Variants in RALYL observed in about 807,000 individuals in gnomAD.
RALYL encodes RALY RNA binding protein like.
RALYL carries 29 observed loss-of-function variants against 35.1 expected under a neutral mutation model. The observed-to-expected ratio is 0.83, with a 90% CI of 0.61 to 1.13. RALYL has a LOEUF of 1.13. RALYL is among the 50% of genes most tolerant of loss of function. The pLI is 0.00. For synonymous variants in RALYL, 120 were observed against 127.6 expected (o/e 0.94, Z 0.40); for missense variants, 359 against 360.4 (o/e 1.00, Z 0.03).
At chr8:84,443,681 C>T (rs533083751) in intron 1 of RALYL, among the ~76,000 whole-genome samples, 1 of 152,192 alleles carries the variant, frequency 6.6e-6, no homozygotes, top group South Asian at 2.1e-4. Flanking sequence ...AAGCAGCTGG[C>T]CTAATTCTAT....
intron 1 of RALYL, among the ~76,000 whole-genome samples, chr8:84,464,132 T>G (rs901840480): frequency 1.8e-4 from 19 of 104,656 alleles, no homozygotes; most frequent in Admixed American, 1.6e-3. Context: ...TTAAAACAAG[T>G]TTTTTTTTTG....
At chr8:84,690,941 A>G (rs1837908130) in intron 2 of RALYL, among the ~76,000 whole-genome samples, 2 of 152,084 alleles carry the variant, frequency 1.3e-5, no homozygotes, top group Admixed American at 1.3e-4. Flanking sequence ...ATGTAACTAT[A>G]TAGGTGGAAA....
chr8:84,658,234 T>C (rs969473909), intron 2 of RALYL, among the ~76,000 whole-genome samples: 4 of 152,186 alleles, frequency 2.6e-5, no homozygotes, highest in African/African-American at 9.7e-5. Context: ...GTTTATTGAA[T>C]ATGTGTATTT....
In RALYL at chr8:84,510,186, C is replaced by T. The variant is rs149272549; in HGVS notation, c.-23-19113C>T. On this transcript the variant is annotated intron_variant, in intron 1 of 8. Transcript: ENST00000521268. ...GATTTCTTTCATCAGAATTTTGTGG[C>T]TTTTATCATATAAGTTGTATACATA... is the stretch of plus-strand genomic sequence containing the variant. 1.8e-3 allele frequency among the ~76,000 whole-genome samples: 269 copies of T among 152,182 alleles called. 3 individuals are homozygous for T. The highest frequency in any genetic ancestry group is 6.1e-3 in the African/African-American group (254 of 41,536).
intron 1 of RALYL, among the ~76,000 whole-genome samples, chr8:84,248,502 A>T (rs977722843): frequency 3.9e-5 from 6 of 152,102 alleles, no homozygotes; most frequent in Non-Finnish European, 7.4e-5. Context: ...ACAAAATGGT[A>T]ACAGCAGTAA....
At chr8:84,416,476 G>A (rs1003203698) in intron 1 of RALYL, among the ~76,000 whole-genome samples, 2 of 152,156 alleles carry the variant, frequency 1.3e-5, no homozygotes, top group Non-Finnish European at 2.9e-5. Flanking sequence ...CATATGAAGA[G>A]AGAAGAATAA....
chr8:84,680,021 G>A (rs998814633), intron 2 of RALYL, among the ~76,000 whole-genome samples: 6 of 151,704 alleles, frequency 4.0e-5, no homozygotes, highest in African/African-American at 1.5e-4. Flanking sequence ...CCCACGACAG[G>A]CCCCGGTGTG....
At chr8:84,308,492 A>T (rs117957559) in intron 1 of RALYL, among the ~76,000 whole-genome samples, 3,802 of 152,262 alleles carry the variant, frequency 0.025, 98 homozygotes, top group Non-Finnish European at 0.031. Flanking sequence ...CCACAAACAG[A>T]TTTTTGACCA....
intron 1 of RALYL, among the ~76,000 whole-genome samples, chr8:84,342,536 A>G (rs1313134718): frequency 6.6e-6 from 1 of 151,628 alleles, no homozygotes; most frequent in Admixed American, 6.6e-5. Context: ...AAATCACTGA[A>G]GTAGGTGTTT....
chr8:84,870,851 A>G (rs952880611), intron 6 of RALYL, among the ~76,000 whole-genome samples: 18 of 152,134 alleles, frequency 1.2e-4, no homozygotes, highest in African/African-American at 4.3e-4. Context: ...GACTAAGGCC[A>G]ATTGGACTAG....
At chr8:84,400,871 T>C (rs2042822126) in intron 1 of RALYL, among the ~76,000 whole-genome samples, 1 of 152,222 alleles carries the variant, frequency 6.6e-6, no homozygotes, top group Non-Finnish European at 1.5e-5. Context: ...TGTCATGTGT[T>C]TTATTATTTA....
At chr8:84,727,543 A>T (rs540988219) in intron 2 of RALYL, among the ~76,000 whole-genome samples, 1 of 151,908 alleles carries the variant, frequency 6.6e-6, no homozygotes, top group Non-Finnish European at 1.5e-5. Flanking sequence ...ACATATGTAT[A>T]CATGTGACAT....
Position 84,913,051 on chromosome 8 carries a change from G to GATAA in RALYL, c.859-7840_859-7839insAATA, listed in dbSNP as rs1404897007. Among the ~76,000 whole-genome samples the GATAA allele has an allele frequency of 1.5e-3, 228 of 151,218 alleles. 1 individual carries two copies. The highest frequency in any genetic ancestry group is 2.2e-3 in the Non-Finnish European group (147 of 67,770). On this transcript the variant is annotated intron_variant, in intron 8 of 8. Coordinates refer to ENST00000521268, the MANE Select transcript of RALYL (RefSeq NM_173848.7). Reference sequence around the variant, plus strand: ...GGATGGATAGGTAGGTAGATAGATAGATAGATAGATAGATAGATAGATAGA... The same window carrying GATAA: ...GGATGGATAGGTAGGTAGATAGATAGATAAATAGATAGATAGATAGATAGATAGA...
intron 1 of RALYL, among the ~76,000 whole-genome samples, chr8:84,262,509 TTTG>T (rs1215773872): frequency 2.6e-5 from 4 of 152,192 alleles, no homozygotes; most frequent in African/African-American, 4.8e-5. Flanking sequence ...AAAACTATGA[TTTG>T]TTGTTTTTTA....
chr8:84,821,002 A>C (rs2134232732), intron 4 of RALYL, among the ~76,000 whole-genome samples: 1 of 152,326 alleles, frequency 6.6e-6, no homozygotes, highest in South Asian at 2.1e-4. Flanking sequence ...ATCACTAAAA[A>C]TAATGCAAAA....
intron 1 of RALYL, among the ~76,000 whole-genome samples, chr8:84,422,102 G>A (rs1470788135): frequency 6.7e-6 from 1 of 149,786 alleles, no homozygotes; most frequent in East Asian, 2.0e-4. Flanking sequence ...TCTATTGATT[G>A]GAATAGTTTC....
chr8:84,846,993 C>T (rs773020736), intron 4 of RALYL, among the ~76,000 whole-genome samples: 9 of 152,248 alleles, frequency 5.9e-5, no homozygotes, highest in South Asian at 4.2e-4. Flanking sequence ...CTGCTAACTT[C>T]GGGGTTAATT....
chr8:84,464,313 C>A (rs548802145), intron 1 of RALYL, among the ~76,000 whole-genome samples: 2 of 151,956 alleles, frequency 1.3e-5, no homozygotes, highest in East Asian at 3.9e-4. Flanking sequence ...CACAACAGTC[C>A]CCAGAGTGTG....
intron 4 of RALYL, among the ~76,000 whole-genome samples, chr8:84,836,158 A>C (rs1831983088): frequency 6.6e-6 from 1 of 152,166 alleles, no homozygotes; most frequent in South Asian, 2.1e-4. Flanking sequence ...TACTAGCCAA[A>C]AGAAAGAAAA....
Sources: allele counts gnomAD v4.1 joint callset (sites outside exome capture counted in the v4.1 genomes callset), GRCh38; gene constraint gnomAD v4.1.1; transcripts MANE v1.5; gene names NCBI Gene and HGNC (gene_info 2026-07-23, HGNC 2026-07-21).